The following RGL3 variants were observed in gnomAD, a reference collection of about 807,000 sequenced individuals.
RGL3 encodes the protein ral guanine nucleotide dissociation stimulator-like 3.
RGL3 carries 85 observed loss-of-function variants against 90.6 expected under a neutral mutation model. The observed-to-expected ratio is 0.94, with a 90% CI of 0.79 to 1.12. The LOEUF is 1.12. RGL3 is among the 50% of genes most tolerant of loss of function. The pLI is 0.00. For missense variants in RGL3, 1,034 were observed against 939.2 expected, an observed-to-expected ratio of 1.10 and a Z score of -1.32; for synonymous variants, 408 against 385.5, an observed-to-expected ratio of 1.06 and a Z score of -0.68.
At position 11,399,847 on chromosome 19, in the gene RGL3, C is replaced by T; in HGVS notation, c.1746+8G>A. On this transcript the variant is annotated splice_region_variant and intron_variant, in intron 16 of 18. Transcript: ENST00000380456. Reference sequence around the variant, plus strand: ...AGGCCCGCATGCACACACAAGCCGTCTTGGTACCTTGGTGCTGGGGCCCTG... The same window carrying T: ...AGGCCCGCATGCACACACAAGCCGTTTTGGTACCTTGGTGCTGGGGCCCTG... The T allele has an allele frequency of 6.8e-7, 1 of 1,470,314 alleles. No individual in the cohort carries two copies. Among genetic ancestry groups the T allele is most frequent in the Non-Finnish European group, 9.1e-7 (1 of 1,102,868 alleles). The allele number at this position is 1,470,314 out of a possible 1,614,324, so 91.1% of individuals were successfully genotyped here.
chr19:11,405,540 G>A, intron 7 of RGL3, 114 bp from the exon 8 acceptor site: 5 of 666,670 alleles, frequency 7.5e-6, no homozygotes, highest in Non-Finnish European at 1.1e-5. Flanking sequence ...TTTTTTTTTT[G>A]AGAGATAGGG....
rs911733775 is a variant in RGL3 at position 11,406,732 on chromosome 19, A to G, written c.770T>C (p.Leu257Pro). The G allele has an allele frequency of 6.2e-7, 1 of 1,613,836 alleles. No individual in the cohort carries two copies. The highest frequency in any genetic ancestry group is 1.3e-5 in the African/African-American group (1 of 74,998). ...SVDEVAEQLT[L>P]IDLELFSKVR... is the part of the protein sequence containing the mutation. Reference sequence around the variant, plus strand: ...GTCCGGGATCCTCACCAAGTCTATGAGGGTCAGCTGCTCGGCCACCTCGTC... The same window carrying G: ...GTCCGGGATCCTCACCAAGTCTATGGGGGTCAGCTGCTCGGCCACCTCGTC... The change falls in exon 6 of 19, where the codon CTC (leucine) becomes CCC (proline). Residue 257 changes from leucine (L) to proline (P), a missense_variant. Leu to Pro is a moderately conservative substitution (Grantham distance 98, BLOSUM62 -3). Coordinates refer to ENST00000380456, the MANE Select transcript of RGL3 (RefSeq NM_001035223.4).
At chr19:11,400,728 G>A (rs1347229014) in intron 13 of RGL3, among the ~76,000 whole-genome samples, 1 of 151,956 alleles carries the variant, frequency 6.6e-6, no homozygotes, top group African/African-American at 2.4e-5. Context: ...GGTAGCTCGC[G>A]CCTGTAATTG....
rs573020329 is a variant in RGL3, at chr19:11,394,588, G to A, written c.2015-68C>T. The stretch of plus-strand genomic sequence containing the variant: ...TGTGTCACCCCCACAGAGGACCCGG[G>A]AGCCTCCTGCCACTCACCCGCGAAC... On this transcript the variant is annotated intron_variant, in intron 18 of 18. Transcript: ENST00000380456. The A allele has an allele frequency of 4.8e-6, 6 of 1,237,294 alleles. No homozygotes were observed. The African/African-American group carries it at 7.4e-5, about 15-fold the overall frequency. The allele number at this position is 1,237,294 out of a possible 1,614,324, so 76.6% of individuals were successfully genotyped here.
intron 13 of RGL3, among the ~76,000 whole-genome samples, chr19:11,401,385 C>T (rs1968672612): frequency 6.6e-6 from 1 of 151,280 alleles, no homozygotes; most frequent in South Asian, 2.1e-4. Context: ...CTCAACACCA[C>T]ATTCAGCTAA....
At chr19:11,398,253 C>T (rs1369353348) in intron 16 of RGL3, among the ~76,000 whole-genome samples, 1 of 152,158 alleles carries the variant, frequency 6.6e-6, no homozygotes, top group African/African-American at 2.4e-5. Flanking sequence ...AGCGGTTATA[C>T]ACCCACAGCC....
At chr19:11,409,251 C>T (rs540807563) in intron 5 of RGL3, among the ~76,000 whole-genome samples, 9 of 151,852 alleles carry the variant, frequency 5.9e-5, no homozygotes, top group African/African-American at 1.2e-4. Context: ...GAGGCCAAGG[C>T]GGGTAGATCA....
intron 3 of RGL3, 55 bp downstream of exon 3, chr19:11,416,781 G>A: frequency 1.9e-6 from 3 of 1,601,266 alleles, no homozygotes; most frequent in Non-Finnish European, 2.6e-6. Flanking sequence ...GTGGAGGGGG[G>A]TGCCCAGTTG....
In RGL3 at chr19:11,397,483, T is replaced by A; in HGVS notation, c.1861A>T (p.Ile621Phe). 1 of 1,613,436 alleles carries A rather than the reference T, an allele frequency of 6.2e-7. No homozygotes were observed. Among genetic ancestry groups the A allele is most frequent in the Non-Finnish European group, 8.5e-7 (1 of 1,179,710 alleles). ...SSEARVIRVS[I>F]DNDHGNLYRS... ...TACAGGTTCCCGTGGTCATTGTCGA[T>A]GCTGACGCGGATGACACGGGCCTCC... The change falls in exon 17 of 19, where the codon ATC becomes TTC. Residue 621 changes from isoleucine to phenylalanine, a missense_variant. Ile to Phe is a conservative substitution (Grantham distance 21). Coordinates refer to ENST00000380456, the MANE Select transcript of RGL3 (RefSeq NM_001035223.4).
chr19:11,419,008 G>T (rs1969057473), intron 1 of RGL3: 1 of 638,706 alleles, frequency 1.6e-6, no homozygotes, highest in African/African-American at 1.9e-5. Context: ...GGATGTCCCA[G>T]GGCCCAGTCT....
At chr19:11,403,444 G>T (rs1968716259) in intron 9 of RGL3, among the ~76,000 whole-genome samples, 1 of 150,022 alleles carries the variant, frequency 6.7e-6, no homozygotes, top group Non-Finnish European at 1.5e-5. Context: ...TTTGAGACCA[G>T]CCTGGCTAAC....
rs372340007 is a variant in RGL3 at position 11,394,354 on chromosome 19, G to C, written c.*48C>G. On this transcript the variant is annotated 3_prime_UTR_variant, in exon 19 of 19. Transcript: ENST00000380456. ...ATGGCAGCTTTCCAGGAGAAGAGTC[G>C]CAAGCTTGCCTGTGGGACTTGTGTC... 7.6e-6 allele frequency: 11 copies of C among 1,450,970 alleles called. No homozygotes were observed. Among genetic ancestry groups the C allele is most frequent in the Admixed American group, 5.0e-5 (3 of 59,736 alleles). The allele number at this position is 1,450,970 out of a possible 1,614,324, so 89.9% of individuals were successfully genotyped here. A position where few individuals can be genotyped will look rare whatever the true frequency, so the allele number is the denominator to read the frequency against.
intron 7 of RGL3, 34 bp from the exon 8 acceptor site, chr19:11,405,460 G>A: frequency 1.8e-6 from 2 of 1,136,486 alleles, no homozygotes; most frequent in Non-Finnish European, 2.4e-6. Context: ...TCAGACCCAG[G>A]CATTATCCAC....
Position 11,402,638 on chromosome 19 carries a change from G to C in RGL3, c.1242+12C>G. ...GTCCCACTTGTCCCCATCCCAAACT[G>C]TAATCACTCACTGAGGGCAGGCTGC... On this transcript the variant is annotated intron_variant, in intron 10 of 18. Coordinates refer to ENST00000380456, the MANE Select transcript of RGL3 (RefSeq NM_001035223.4). 6.2e-7 allele frequency: 1 copy of C among 1,613,858 alleles called. No homozygotes were observed. Among genetic ancestry groups the C allele is most frequent in the Non-Finnish European group, 8.5e-7 (1 of 1,179,874 alleles).
intron 2 of RGL3, among the ~76,000 whole-genome samples, chr19:11,417,889 A>G (rs988141018): frequency 6.6e-6 from 1 of 152,046 alleles, no homozygotes; most frequent in African/African-American, 2.4e-5. Context: ...CAGTGGCACA[A>G]TCATAGCTCA....
chr19:11,418,721 G>A lies in RGL3; in HGVS notation c.97C>T (p.Arg33Trp). 6.3e-7 allele frequency: 1 copy of A among 1,576,574 alleles called. No homozygotes were observed. The highest frequency in any genetic ancestry group is 8.6e-7 in the Non-Finnish European group (1 of 1,165,966). Residue 33 changes from arginine to tryptophan, a missense_variant, in exon 2 of 19, where the codon CGG becomes TGG. By Grantham distance (101) the Arg-to-Trp change is moderately radical (BLOSUM62 -3). Coordinates refer to ENST00000380456, the MANE Select transcript of RGL3 (RefSeq NM_001035223.4). ...GGGCTCCTGCGCTGACTGCGCTGCC[G>A]CCGCAGGGAGACACTGTACACCGCG... ...DGAVYSVSLR[R>W]QRSQRRSPAE...
At chr19:11,402,758 T>G (rs1968703322) in intron 9 of RGL3, 52 bp from the exon 10 acceptor site, 2 of 1,490,374 alleles carry the variant, frequency 1.3e-6, no homozygotes, top group South Asian at 2.3e-5. Flanking sequence ...GGACAATTCC[T>G]CAGGAACGAT....
rs373073975 is a variant in RGL3 at position 11,399,901 on chromosome 19, G to T, written c.1700C>A (p.Ala567Asp). The T allele has an allele frequency of 1.3e-6, 2 of 1,524,770 alleles. No individual in the cohort carries two copies. The highest frequency in any genetic ancestry group is 1.4e-5 in the African/African-American group (1 of 70,792). The allele number at this position is 1,524,770 out of a possible 1,614,324, so 94.5% of individuals were successfully genotyped here. Reference protein sequence around the residue: ...PSSPRSRDAPAGSPPASPGPQ... With the variant: ...PSSPRSRDAPDGSPPASPGPQ... ...CCCTGGAGAGGCCGGGGGACTGCCAGCAGGAGCATCTCTGCTTCTAGGACT... is the reference window on the plus strand; with the variant it reads ...CCCTGGAGAGGCCGGGGGACTGCCATCAGGAGCATCTCTGCTTCTAGGACT... The change falls in exon 16 of 19, where the codon GCT becomes GAT. Residue 567 changes from alanine to aspartate, a missense_variant. Ala to Asp is a moderately radical substitution (Grantham distance 126). Coordinates refer to ENST00000380456, the MANE Select transcript of RGL3 (RefSeq NM_001035223.4).
intron 2 of RGL3, among the ~76,000 whole-genome samples, chr19:11,417,893 T>C (rs1479790102): frequency 6.6e-6 from 1 of 152,138 alleles, no homozygotes; most frequent in African/African-American, 2.4e-5. Flanking sequence ...GGCACAATCA[T>C]AGCTCACTGC....
Sources: gnomAD v4.1 joint callset for allele counts (sites outside exome capture counted in the v4.1 genomes callset) on GRCh38, gnomAD v4.1.1 for gene constraint, MANE v1.5 for transcripts, NCBI Gene and HGNC (gene_info 2026-07-23, HGNC 2026-07-21) for gene names.